Variants in PTPRN2 observed in about 807,000 individuals in gnomAD.
PTPRN2 encodes the protein receptor-type tyrosine-protein phosphatase N2.
A neutral mutation model predicts 118.8 loss-of-function variants in PTPRN2; 74 were observed. The observed-to-expected ratio is 0.62, with a 90% CI of 0.52 to 0.76. The LOEUF is 0.76. Among genes scored for constraint, PTPRN2 ranks in the 30% least tolerant of loss-of-function variants. PTPRN2 has a pLI of 0.00. For synonymous variants in PTPRN2, 641 were observed against 608.0 expected (o/e 1.05, Z -0.80); for missense variants, 1,481 against 1,394.4 (o/e 1.06, Z -0.99).
chr7:157,695,580 A>G (rs1236657867), intron 12 of PTPRN2, among the ~76,000 whole-genome samples: 1 of 152,230 alleles, frequency 6.6e-6, no homozygotes, highest in African/African-American at 2.4e-5. Flanking sequence ...CATTTTGAAA[A>G]CAAGATGTTT....
At chr7:158,074,466 T>C (rs1812194011) in intron 11 of PTPRN2, among the ~76,000 whole-genome samples, 1 of 152,228 alleles carries the variant, frequency 6.6e-6, no homozygotes, top group East Asian at 1.9e-4. Context: ...ACTCATGTTT[T>C]TCAGAAGCGG....
chr7:158,425,865 G>A (rs368896211), intron 2 of PTPRN2, among the ~76,000 whole-genome samples: 27 of 68,744 alleles, frequency 3.9e-4, no homozygotes, highest in Middle Eastern at 9.1e-3. Context: ...AAAGACGCGG[G>A]GTCCGAGTCC....
chr7:157,920,968 T>C (rs1229362777), intron 11 of PTPRN2, among the ~76,000 whole-genome samples: 2 of 152,240 alleles, frequency 1.3e-5, no homozygotes, highest in Non-Finnish European at 2.9e-5. Context: ...CCAGCAGTCA[T>C]GCCCTTTGGT....
At chr7:158,265,788 G>T (rs146877614) in intron 3 of PTPRN2, among the ~76,000 whole-genome samples, 2 of 152,198 alleles carry the variant, frequency 1.3e-5, no homozygotes, top group Non-Finnish European at 2.9e-5. Flanking sequence ...CATCAAAGGC[G>T]GTGGCCAGAG....
chr7:158,522,940 T>C (rs989306781), intron 1 of PTPRN2, among the ~76,000 whole-genome samples: 2 of 152,160 alleles, frequency 1.3e-5, no homozygotes, highest in Admixed American at 1.3e-4. Context: ...CACCCAGAAC[T>C]TGCTGGGACT....
At chr7:158,070,771 A>G (rs993484174) in intron 11 of PTPRN2, among the ~76,000 whole-genome samples, 311 of 21,084 alleles carry the variant, frequency 0.015, no homozygotes, top group Admixed American at 0.019. Context: ...GGAGGTGCTC[A>G]TGGTGGAGGT....
At chr7:157,774,571 C>T (rs1803078262) in intron 12 of PTPRN2, among the ~76,000 whole-genome samples, 4 of 152,238 alleles carry the variant, frequency 2.6e-5, no homozygotes, top group Admixed American at 2.6e-4. Flanking sequence ...AGACCACACA[C>T]CGGCTCATGT....
intron 12 of PTPRN2, among the ~76,000 whole-genome samples, chr7:157,778,902 T>A (rs915061444): frequency 1.3e-5 from 2 of 152,188 alleles, no homozygotes; most frequent in Admixed American, 1.3e-4. Flanking sequence ...ATGCCACTGC[T>A]CTCTGGACAG....
chr7:158,195,521 T>C (rs1401409770), intron 4 of PTPRN2, among the ~76,000 whole-genome samples: 4 of 152,330 alleles, frequency 2.6e-5, no homozygotes, highest in Admixed American at 1.3e-4. Flanking sequence ...CCTCATTATT[T>C]CTTCAAATGA....
intron 11 of PTPRN2, among the ~76,000 whole-genome samples, chr7:157,908,263 G>A (rs887513721): frequency 2.0e-5 from 3 of 152,194 alleles, no homozygotes; most frequent in South Asian, 2.1e-4. Flanking sequence ...TGTCCCCTGC[G>A]CCCAGCACTT....
At chr7:157,702,793 G>A (rs754607853) in intron 12 of PTPRN2, among the ~76,000 whole-genome samples, 2 of 152,194 alleles carry the variant, frequency 1.3e-5, no homozygotes, top group South Asian at 2.1e-4. Flanking sequence ...AACACCCGCC[G>A]TCCTGCTGCT....
At chr7:158,024,612 C>T (rs1310795888) in intron 11 of PTPRN2, among the ~76,000 whole-genome samples, 4 of 152,182 alleles carry the variant, frequency 2.6e-5, no homozygotes, top group Non-Finnish European at 4.4e-5. Context: ...TCCAAGAAGA[C>T]GACCACCAGG....
At chr7:158,039,470 CCACATAAT>C (rs1254574953) in intron 11 of PTPRN2, among the ~76,000 whole-genome samples, 1 of 152,158 alleles carries the variant, frequency 6.6e-6, no homozygotes, top group Non-Finnish European at 1.5e-5. Context: ...AACAGGGCTC[CCACATAAT>C]GACAGGGGAT....
At chr7:157,856,891 A>G (rs1809747204) in intron 12 of PTPRN2, among the ~76,000 whole-genome samples, 2 of 152,204 alleles carry the variant, frequency 1.3e-5, no homozygotes, top group African/African-American at 4.8e-5. Flanking sequence ...AGGTTTGAAC[A>G]ACCTGTACAT....
At chr7:157,552,484 C>T (rs1798679707) in intron 21 of PTPRN2, among the ~76,000 whole-genome samples, 1 of 152,062 alleles carries the variant, frequency 6.6e-6, no homozygotes, top group South Asian at 2.1e-4. Flanking sequence ...CTGACCTGGA[C>T]CACGTGGGGA....
At chr7:157,969,261 C>A (rs62475446) in intron 11 of PTPRN2, among the ~76,000 whole-genome samples, 6 of 152,036 alleles carry the variant, frequency 3.9e-5, no homozygotes, top group African/African-American at 1.4e-4. Context: ...AGGTGCATAC[C>A]ACCATGCCCA....
chr7:157,998,474 A>G (rs897837341), intron 11 of PTPRN2, among the ~76,000 whole-genome samples: 14 of 152,198 alleles, frequency 9.2e-5, no homozygotes, highest in Non-Finnish European at 1.9e-4. Flanking sequence ...CCAGCCTCCA[A>G]CGTAGATGCT....
At chr7:158,370,097 C>T (rs1011170138) in intron 2 of PTPRN2, among the ~76,000 whole-genome samples, 2 of 152,168 alleles carry the variant, frequency 1.3e-5, no homozygotes, top group African/African-American at 4.8e-5. Flanking sequence ...GAAACTGGTG[C>T]ACGGCGGTGA....
In PTPRN2 at chr7:157,598,875, A is replaced by C. The variant is rs926413370; in HGVS notation, c.2419-3560T>G. ...GGTCATTTCTGAGCGCTTTCTCCCC[A>C]GACAGGGGCTTCTGCAGCAACACAT... is the stretch of plus-strand genomic sequence containing the variant. On this transcript the variant is annotated intron_variant, in intron 16 of 22. Transcript: ENST00000389418. This position sits in a 1 kb window ranked among gnomAD's most constrained non-coding sequence, Gnocchi z 5.2. Among the ~76,000 whole-genome samples the C allele has an allele frequency of 1.1e-4, 17 of 152,334 alleles. No homozygotes were observed. The highest frequency in any genetic ancestry group is 2.2e-4 in the Non-Finnish European group (15 of 68,024).
Sources: gnomAD v4.1 joint callset for allele counts (sites outside exome capture counted in the v4.1 genomes callset) on GRCh38, gnomAD v4.1.1 for gene constraint, Gnocchi (gnomAD v3.1) non-coding constraint, MANE v1.5 for transcripts, NCBI Gene and HGNC (gene_info 2026-07-23, HGNC 2026-07-21) for gene names.